PPIL4: variants seen among roughly 807,000 people sequenced by gnomAD.
PPIL4 encodes peptidylprolyl isomerase like 4, also known as peptidyl-prolyl cis-trans isomerase-like 4.
In PPIL4, 50 loss-of-function variants were observed where a neutral mutation model predicts 69.1. That is an observed-to-expected ratio of 0.72 (90% CI 0.58 to 0.92). The LOEUF (loss-of-function observed/expected upper bound fraction) is 0.92, where lower values mean the gene tolerates loss of function less well. PPIL4 is among the 40% of genes least tolerant of loss of function. The pLI is 0.00. For missense variants in PPIL4, 480 were observed against 587.9 expected, an observed-to-expected ratio of 0.82 and a Z score of 1.90; for synonymous variants, 193 against 191.6, an observed-to-expected ratio of 1.01 and a Z score of -0.06.
chr6:149,505,183 T>A lies in PPIL4; in HGVS notation c.*270A>T. On this transcript the variant is annotated 3_prime_UTR_variant, in exon 13 of 13. Transcript: ENST00000253329. Reference sequence around the variant, plus strand: ...TATGTATTTTTGTAGTATGAAATACTTCATTAAAAAAAGAGTGAAAATGTA... The same window carrying A: ...TATGTATTTTTGTAGTATGAAATACATCATTAAAAAAAGAGTGAAAATGTA... 3.1e-6 allele frequency: 1 copy of A among 318,580 alleles called. No individual in the cohort carries two copies. The highest frequency in any genetic ancestry group is 1.0e-3 in the Middle Eastern group (1 of 1,002). The allele number at this position is 318,580 out of a possible 1,614,324, so 19.7% of individuals were successfully genotyped here. A position where few individuals can be genotyped will look rare whatever the true frequency, so the allele number is the denominator to read the frequency against.
At chr6:149,510,029 G>C (rs1302481563) in intron 12 of PPIL4, among the ~76,000 whole-genome samples, 1 of 152,010 alleles carries the variant, frequency 6.6e-6, no homozygotes, top group Non-Finnish European at 1.5e-5. Flanking sequence ...CAACATGCTG[G>C]GATTACAAGC....
chr6:149,540,192 T>C (rs923097295), intron 4 of PPIL4, among the ~76,000 whole-genome samples: 1 of 151,978 alleles, frequency 6.6e-6, no homozygotes, highest in African/African-American at 2.4e-5. Flanking sequence ...CAACTTCATG[T>C]GTATATAGTA....
chr6:149,538,197 C>T (rs1181213576), intron 4 of PPIL4, among the ~76,000 whole-genome samples: 2 of 151,734 alleles, frequency 1.3e-5, no homozygotes, highest in Non-Finnish European at 2.9e-5. Flanking sequence ...ACCCAGGAGG[C>T]AGAGGTTGCA....
At chr6:149,511,952 G>A (rs1309455291) in intron 12 of PPIL4, among the ~76,000 whole-genome samples, 2 of 152,164 alleles carry the variant, frequency 1.3e-5, no homozygotes, top group African/African-American at 4.8e-5. Context: ...ATTAAGTTAT[G>A]TCAAAAATGA....
At chr6:149,530,695 T>A (rs956299419) in intron 7 of PPIL4, among the ~76,000 whole-genome samples, 1 of 151,216 alleles carries the variant, frequency 6.6e-6, no homozygotes, top group African/African-American at 2.4e-5. Flanking sequence ...TTCCTTACAG[T>A]AGAATGCAGG....
At chr6:149,524,670 C>A (rs1156792889) in intron 9 of PPIL4, among the ~76,000 whole-genome samples, 1 of 152,072 alleles carries the variant, frequency 6.6e-6, no homozygotes, top group Non-Finnish European at 1.5e-5. Flanking sequence ...GAGGCCGAGG[C>A]AGGTGGATTG....
chr6:149,520,103 T>C lies in PPIL4; in HGVS notation c.982+957A>G, dbSNP rs74962559. 5.7e-3 allele frequency among the ~76,000 whole-genome samples: 868 copies of C among 152,342 alleles called. 8 individuals carry two copies. The highest frequency in any genetic ancestry group is 0.02 in the African/African-American group (830 of 41,582). On this transcript the variant is annotated intron_variant, in intron 10 of 12. Transcript: ENST00000253329. ...ACCCATTAACAGGGCTGGTTCATTTTATATACTGATATGAACTGATCTCTT... is the reference window on the plus strand; with the variant it reads ...ACCCATTAACAGGGCTGGTTCATTTCATATACTGATATGAACTGATCTCTT...
In PPIL4 at chr6:149,544,082, C is replaced by T. The variant is rs116862716; in HGVS notation, c.70+1854G>A. On this transcript the variant is annotated intron_variant, in intron 1 of 12. Coordinates refer to ENST00000253329, the MANE Select transcript of PPIL4 (RefSeq NM_139126.4). ...TTATGGGCTTATCTTTGCAGACCCA[C>T]TGCTTGTTAATTGGGTGGGGTAGCT... 1.2e-3 allele frequency among the ~76,000 whole-genome samples: 189 copies of T among 151,878 alleles called. 9 individuals carry two copies. The East Asian group carries it at 0.03, about 24-fold the overall frequency.
At chr6:149,517,271 G>T in intron 11 of PPIL4, 83 bp downstream of exon 11, 1 of 766,696 alleles carries the variant, frequency 1.3e-6, no homozygotes, top group South Asian at 1.7e-5. Flanking sequence ...TAGCTTTTGT[G>T]ACTTTTCATA....
At chr6:149,518,054 A>C (rs948425688) in intron 10 of PPIL4, among the ~76,000 whole-genome samples, 3 of 152,168 alleles carry the variant, frequency 2.0e-5, no homozygotes, top group African/African-American at 7.2e-5. Context: ...GGCAAATAGA[A>C]GAGGGCAGGA....
At chr6:149,537,063 T>C (rs989329326) in intron 4 of PPIL4, among the ~76,000 whole-genome samples, 1 of 151,516 alleles carries the variant, frequency 6.6e-6, no homozygotes, top group African/African-American at 2.4e-5. Context: ...GAGGCGAAGG[T>C]TGCAGTGAGC....
chr6:149,540,578 C>T (rs1176155547), intron 4 of PPIL4, among the ~76,000 whole-genome samples: 1 of 151,988 alleles, frequency 6.6e-6, no homozygotes, highest in African/African-American at 2.4e-5. Flanking sequence ...ATTGTGCCAT[C>T]GCACTCCAGT....
intron 7 of PPIL4, 54 bp downstream of exon 7, chr6:149,533,404 G>A (rs997157041): frequency 1.5e-5 from 14 of 938,368 alleles, no homozygotes; most frequent in East Asian, 4.9e-5. Flanking sequence ...TAAACACTCA[G>A]TAAGTATTAT....
intron 11 of PPIL4, among the ~76,000 whole-genome samples, chr6:149,513,371 C>T (rs1482446270): frequency 4.0e-5 from 4 of 98,854 alleles, no homozygotes; most frequent in East Asian, 3.1e-4. Flanking sequence ...GGTGACAGAG[C>T]GGGGACTCAG....
At chr6:149,510,481 C>A (rs1352462900) in intron 12 of PPIL4, among the ~76,000 whole-genome samples, 1 of 152,136 alleles carries the variant, frequency 6.6e-6, no homozygotes, top group Admixed American at 6.5e-5. Context: ...CGGTGGCTCA[C>A]GCCTATAATC....
chr6:149,514,573 C>T (rs1244858570), intron 11 of PPIL4, among the ~76,000 whole-genome samples: 1 of 152,150 alleles, frequency 6.6e-6, no homozygotes, highest in Non-Finnish European at 1.5e-5. Flanking sequence ...CCACCTGCCT[C>T]AGTCTCCCAA....
chr6:149,529,844 G>A (rs1777167452), intron 7 of PPIL4, among the ~76,000 whole-genome samples: 1 of 151,472 alleles, frequency 6.6e-6, no homozygotes, highest in Non-Finnish European at 1.5e-5. Flanking sequence ...AAAGAAAAAA[G>A]GCACAGTGGA....
At chr6:149,539,039 G>T (rs1777321614) in intron 4 of PPIL4, among the ~76,000 whole-genome samples, 1 of 152,124 alleles carries the variant, frequency 6.6e-6, no homozygotes, top group Non-Finnish European at 1.5e-5. Context: ...TAGAGACGGG[G>T]TTTCACCATA....
intron 12 of PPIL4, among the ~76,000 whole-genome samples, chr6:149,505,991 A>G (rs1021755115): frequency 6.6e-6 from 1 of 152,254 alleles, no homozygotes; most frequent in Non-Finnish European, 1.5e-5. Context: ...ACATGTCTCT[A>G]GAGCAATCTG....
Sources: gnomAD v4.1 joint callset for allele counts (sites outside exome capture counted in the v4.1 genomes callset) on GRCh38, gnomAD v4.1.1 for gene constraint, MANE v1.5 for transcripts, NCBI Gene and HGNC (gene_info 2026-07-23, HGNC 2026-07-21) for gene names.